The following PDSS2 variants were observed in gnomAD, a reference collection of about 807,000 sequenced individuals.
The protein encoded by PDSS2 is decaprenyl diphosphate synthase subunit 2, also known as all trans-polyprenyl-diphosphate synthase PDSS2.
PDSS2 carries 31 observed loss-of-function variants against 44.5 expected under a neutral mutation model. The observed-to-expected ratio is 0.70, with a 90% CI of 0.52 to 0.94. The LOEUF is 0.94. Among genes scored for constraint, PDSS2 ranks in the 40% least tolerant of loss-of-function variants. PDSS2 has a pLI of 0.00. For synonymous variants in PDSS2, 157 were observed against 180.3 expected (o/e 0.87, Z 1.03); for missense variants, 452 against 482.2 (o/e 0.94, Z 0.59).
intron 1 of PDSS2, among the ~76,000 whole-genome samples, chr6:107,402,480 A>ATATATATACTTATATATATGTATACG (rs1491297924): frequency 5.5e-5 from 1 of 18,212 alleles, no homozygotes; most frequent in Non-Finnish European, 8.3e-5. Flanking sequence ...ATATGTATAC[A>ATATATATACTTATATATATGTATACG]TATATACGTA....
Position 107,425,961 on chromosome 6 carries a change from G to GA in PDSS2, c.296+33028dup, listed in dbSNP as rs111535075. Among the ~76,000 whole-genome samples the GA allele has an allele frequency of 8.3e-3, 941 of 113,788 alleles. 8 individuals carry two copies. Among genetic ancestry groups the GA allele is most frequent in the African/African-American group, 0.016 (485 of 31,012 alleles). The allele number at this position is 113,788 out of a possible 152,430, so 74.6% of individuals were successfully genotyped here. ...GGGCGACAGAGCGAGACTTCGTCTC[G>GA]AAAAAAAAAAAAAAAGAAAATCCCA... is the stretch of plus-strand genomic sequence containing the variant. On this transcript the variant is annotated intron_variant, in intron 1 of 7. Transcript: ENST00000369037.
At chr6:107,374,947 A>C (rs1779239437) in intron 1 of PDSS2, among the ~76,000 whole-genome samples, 1 of 152,124 alleles carries the variant, frequency 6.6e-6, no homozygotes, top group South Asian at 2.1e-4. Flanking sequence ...TAATAGGAAG[A>C]TATCTAGAAA....
intron 1 of PDSS2, among the ~76,000 whole-genome samples, chr6:107,372,505 G>C (rs1340690952): frequency 6.6e-6 from 1 of 152,122 alleles, no homozygotes. Flanking sequence ...AAGCTGGAGG[G>C]CAGTTGCGCG....
At chr6:107,458,412 C>CAAAAAAAAAACAAAAAAAAAAAAAA (rs1782121556) in intron 1 of PDSS2, among the ~76,000 whole-genome samples, 1 of 78,182 alleles carries the variant, frequency 1.3e-5, no homozygotes, top group Non-Finnish European at 2.5e-5. Context: ...GACTCCGTCT[C>CAAAAAAAAAACAAAAAAAAAAAAAA]AAAAAAAAAA....
Position 107,312,084 on chromosome 6 carries a change from T to A in PDSS2, c.431+22114A>T, listed in dbSNP as rs539898770. Among the ~76,000 whole-genome samples, 11 of 152,256 alleles carry A rather than the reference T, an allele frequency of 7.2e-5. No individual in the cohort carries two copies. In the Middle Eastern group the frequency reaches 0.014, roughly 188 times the overall value. On this transcript the variant is annotated intron_variant, in intron 2 of 7. Transcript: ENST00000369037. ...CAGATGAAGAAAGGTAGGAACAATA[T>A]CCCATGCAGAGGAAATAGCACAGTG...
intron 1 of PDSS2, among the ~76,000 whole-genome samples, chr6:107,383,303 A>G (rs1004727930): frequency 6.8e-6 from 1 of 148,116 alleles, no homozygotes; most frequent in Non-Finnish European, 1.5e-5. Context: ...CATCTCAAAA[A>G]AAAAAAAAAA....
In PDSS2 at chr6:107,291,893, C is replaced by T. The variant is rs1466046314; in HGVS notation, c.432-17666G>A. 3.9e-5 allele frequency among the ~76,000 whole-genome samples: 6 copies of T among 152,078 alleles called. No individual in the cohort carries two copies. The South Asian group carries it at 1.0e-3, about 26-fold the overall frequency. ...AAAGAAAAATGCCAAGGCTGTAGGC[C>T]GTAATAAAGATGACCTCCAAGTAGT... On this transcript the variant is annotated intron_variant, in intron 2 of 7. Coordinates refer to ENST00000369037, the MANE Select transcript of PDSS2 (RefSeq NM_020381.4).
chr6:107,458,924 T>C, intron 1 of PDSS2, 66 bp downstream of exon 1: 1 of 1,445,896 alleles, frequency 6.9e-7, no homozygotes, highest in Non-Finnish European at 9.7e-7. Context: ...CTAGAATGCG[T>C]ATGCCCGCCA....
chr6:107,216,259 G>T (rs1257125095), intron 4 of PDSS2, among the ~76,000 whole-genome samples: 1 of 152,056 alleles, frequency 6.6e-6, no homozygotes, highest in Non-Finnish European at 1.5e-5. Context: ...GATCACCTGA[G>T]GTCAAGAGTT....
chr6:107,401,237 G>C (rs984808199), intron 1 of PDSS2, among the ~76,000 whole-genome samples: 3 of 152,156 alleles, frequency 2.0e-5, no homozygotes, highest in African/African-American at 7.2e-5. Context: ...CTACTCAGGA[G>C]ACCTTGAGCC....
chr6:107,317,147 C>A (rs903120458), intron 2 of PDSS2, among the ~76,000 whole-genome samples: 1 of 152,164 alleles, frequency 6.6e-6, no homozygotes, highest in African/African-American at 2.4e-5. Context: ...CTCTCCTCCA[C>A]GGCACCTCGC....
intron 1 of PDSS2, among the ~76,000 whole-genome samples, chr6:107,456,216 G>A (rs868111246): frequency 9.8e-5 from 15 of 152,300 alleles, no homozygotes; most frequent in African/African-American, 3.4e-4. Context: ...AGGTACTTGG[G>A]GGGCTGAGGC....
Position 107,153,966 on chromosome 6 carries a change from T to G in PDSS2, c.*653A>C, listed in dbSNP as rs2115072704. 1 of 152,704 alleles carries G rather than the reference T, an allele frequency of 6.5e-6. No individual in the cohort carries two copies. The highest frequency in any genetic ancestry group is 6.5e-5 in the Admixed American group (1 of 15,296). 9.5% of individuals were successfully genotyped at this position (152,704 alleles called of 1,614,324 possible). On this transcript the variant is annotated 3_prime_UTR_variant, in exon 8 of 8. Coordinates refer to ENST00000369037, the MANE Select transcript of PDSS2 (RefSeq NM_020381.4). ...GGCAGGTGCCTGTAATTCCAGCTAC[T>G]CGGGAGGCTGAGGCAGGAGAATCAC... is the stretch of plus-strand genomic sequence containing the variant.
rs150675109 is a variant in PDSS2, at chr6:107,269,581, G to A, written c.630+4448C>T. On this transcript the variant is annotated intron_variant, in intron 3 of 7. Coordinates refer to ENST00000369037, the MANE Select transcript of PDSS2 (RefSeq NM_020381.4). ...AATTGTAATTCCCTAAAAGTCTCAT[G>A]TAGTGTTCTGTTTATTGAATACTTG... 1.9e-3 allele frequency among the ~76,000 whole-genome samples: 295 copies of A among 152,264 alleles called. 1 individual carries two copies. The highest frequency in any genetic ancestry group is 6.7e-3 in the African/African-American group (279 of 41,548).
intron 1 of PDSS2, among the ~76,000 whole-genome samples, chr6:107,396,678 C>CTTTTTTTTTTTT (rs950671310): frequency 1.7e-3 from 132 of 79,314 alleles, no homozygotes; most frequent in African/African-American, 2.4e-3. Context: ...CTTCTTTTTT[C>CTTTTTTTTTTTT]TTTTTTTTTT....
intron 2 of PDSS2, among the ~76,000 whole-genome samples, chr6:107,310,804 A>C (rs1207071460): frequency 1.3e-5 from 2 of 152,192 alleles, no homozygotes; most frequent in Non-Finnish European, 2.9e-5. Context: ...TTGTCAGTTT[A>C]TCTATGCAGG....
chr6:107,245,704 C>A, intron 3 of PDSS2, 85 bp from the exon 4 acceptor site: 1 of 852,646 alleles, frequency 1.2e-6, no homozygotes, highest in Non-Finnish European at 1.8e-6. Context: ...GGCTCAGTGG[C>A]AAGGCAGAAT....
At chr6:107,180,438 A>C (rs113628712) in intron 7 of PDSS2, among the ~76,000 whole-genome samples, 2 of 152,236 alleles carry the variant, frequency 1.3e-5, no homozygotes, top group African/African-American at 4.8e-5. Context: ...TTGGGGGGAT[A>C]TAAGAGGAAC....
chr6:107,164,657 T>C (rs2114318112), intron 7 of PDSS2, among the ~76,000 whole-genome samples: 1 of 152,302 alleles, frequency 6.6e-6, no homozygotes, highest in South Asian at 2.1e-4. Context: ...AGCAGCATGA[T>C]TTGTAATCCT....
Sources: gnomAD v4.1 joint callset for allele counts (sites outside exome capture counted in the v4.1 genomes callset) on GRCh38, gnomAD v4.1.1 for gene constraint, MANE v1.5 for transcripts, NCBI Gene and HGNC (gene_info 2026-07-23, HGNC 2026-07-21) for gene names.